The following GRIN2B variants were observed in gnomAD, a reference collection of about 807,000 sequenced individuals.
GRIN2B encodes glutamate ionotropic receptor NMDA type subunit 2B.
GRIN2B carries 5 observed loss-of-function variants against 114.5 expected under a neutral mutation model. That is an observed-to-expected ratio of 0.04 (90% CI 0.02 to 0.09). The LOEUF (loss-of-function observed/expected upper bound fraction) is 0.09, where lower values mean the gene tolerates loss of function less well. GRIN2B is among the 10% of genes least tolerant of loss of function. The pLI, the probability that GRIN2B is intolerant of heterozygous loss-of-function variation, is 1.00. For missense variants in GRIN2B, 1,108 were observed against 1,943.5 expected (o/e 0.57, Z 8.08); for synonymous variants, 787 against 745.1 (o/e 1.06, Z -0.92).
At chr12:13,636,942 C>A (rs1949670923) in intron 5 of GRIN2B, among the ~76,000 whole-genome samples, 1 of 152,076 alleles carries the variant, frequency 6.6e-6, no homozygotes, top group Admixed American at 6.5e-5. Flanking sequence ...AGGAAACTCT[C>A]AATAAATATT....
chr12:13,671,705 G>A (rs568311882), intron 5 of GRIN2B, among the ~76,000 whole-genome samples: 38 of 152,218 alleles, frequency 2.5e-4, no homozygotes, highest in African/African-American at 9.1e-4. Context: ...AGATTTTCAG[G>A]GTAGAAGTGA....
chr12:13,804,482 A>G (rs1278797666), intron 3 of GRIN2B, among the ~76,000 whole-genome samples: 1 of 152,106 alleles, frequency 6.6e-6, no homozygotes, highest in Non-Finnish European at 1.5e-5. Flanking sequence ...AACATAAGAT[A>G]TCTGAACCCC....
intron 5 of GRIN2B, among the ~76,000 whole-genome samples, chr12:13,630,021 T>C (rs1284440832): frequency 6.6e-6 from 1 of 152,228 alleles, no homozygotes; most frequent in Admixed American, 6.5e-5. Flanking sequence ...TAACTGCTTA[T>C]GTGTCTGGTC....
intron 3 of GRIN2B, among the ~76,000 whole-genome samples, chr12:13,793,382 C>A (rs11829616): frequency 0.037 from 5,584 of 151,364 alleles, 130 homozygotes; most frequent in African/African-American, 0.063. Flanking sequence ...GATTGTGCCA[C>A]TGCACTCCAA....
At chr12:13,592,711 C>A (rs1021459380) in intron 10 of GRIN2B, among the ~76,000 whole-genome samples, 1 of 152,152 alleles carries the variant, frequency 6.6e-6, no homozygotes, top group African/African-American at 2.4e-5. Context: ...AGCTCTGGTG[C>A]TTTCCTAACC....
chr12:13,654,203 C>T (rs1211256419), intron 5 of GRIN2B, among the ~76,000 whole-genome samples: 1 of 152,004 alleles, frequency 6.6e-6, no homozygotes, highest in Non-Finnish European at 1.5e-5. Context: ...GATGTTATTT[C>T]TGGAATTATT....
chr12:13,658,574 T>C (rs1323607633), intron 5 of GRIN2B, among the ~76,000 whole-genome samples: 1 of 152,104 alleles, frequency 6.6e-6, no homozygotes, highest in African/African-American at 2.4e-5. Context: ...ATAATTCAGC[T>C]GGAGAATAAA....
intron 2 of GRIN2B, among the ~76,000 whole-genome samples, chr12:13,960,406 G>A (rs757722999): frequency 5.9e-5 from 9 of 152,070 alleles, no homozygotes; most frequent in Admixed American, 3.3e-4. Flanking sequence ...CCACTAAAAC[G>A]TGGCAGCTTC....
intron 3 of GRIN2B, among the ~76,000 whole-genome samples, chr12:13,756,641 G>C (rs1054599050): frequency 6.6e-6 from 1 of 152,164 alleles, no homozygotes; most frequent in Non-Finnish European, 1.5e-5. Flanking sequence ...GTACAAGCTT[G>C]GGATGAAAGG....
chr12:13,641,141 A>G (rs137930366), intron 5 of GRIN2B, among the ~76,000 whole-genome samples: 10,054 of 151,928 alleles, frequency 0.066, 499 homozygotes, highest in African/African-American at 0.14. Context: ...GCACAATCTC[A>G]GCTCACTGCA....
intron 3 of GRIN2B, among the ~76,000 whole-genome samples, chr12:13,827,240 T>TC (rs1865058694): frequency 6.7e-6 from 1 of 149,898 alleles, no homozygotes; most frequent in Non-Finnish European, 1.5e-5. Context: ...TTTTTTTTTT[T>TC]TTTTTGAGTT....
intron 3 of GRIN2B, among the ~76,000 whole-genome samples, chr12:13,791,863 A>G (rs1046367351): frequency 2.6e-5 from 4 of 152,212 alleles, no homozygotes; most frequent in Non-Finnish European, 5.9e-5. Context: ...GTTAGTGTTA[A>G]CCGTAGTCAC....
intron 5 of GRIN2B, among the ~76,000 whole-genome samples, chr12:13,647,373 CAT>C (rs1231540282): frequency 2.0e-5 from 3 of 152,102 alleles, no homozygotes; most frequent in African/African-American, 7.2e-5. Flanking sequence ...CAACAGGACT[CAT>C]ACTTAAACTT....
At chr12:13,816,390 C>T (rs1286189882) in intron 3 of GRIN2B, among the ~76,000 whole-genome samples, 1 of 152,224 alleles carries the variant, frequency 6.6e-6, no homozygotes, top group Non-Finnish European at 1.5e-5. Context: ...AAGGTTCAGA[C>T]TTTCTAGCAG....
At chr12:13,621,626 T>G (rs985091267) in intron 5 of GRIN2B, among the ~76,000 whole-genome samples, 7 of 146,630 alleles carry the variant, frequency 4.8e-5, no homozygotes, top group Non-Finnish European at 6.0e-5. Context: ...TTTTTTTTTT[T>G]TTTTTTTTTT....
intron 10 of GRIN2B, among the ~76,000 whole-genome samples, chr12:13,602,305 G>A (rs1053794963): frequency 6.6e-6 from 1 of 152,178 alleles, no homozygotes; most frequent in Non-Finnish European, 1.5e-5. Context: ...CAGCTACCTA[G>A]AGGTCCAACC....
At chr12:13,909,774 G>T (rs1002877647) in intron 2 of GRIN2B, among the ~76,000 whole-genome samples, 2 of 152,174 alleles carry the variant, frequency 1.3e-5, no homozygotes, top group African/African-American at 4.8e-5. Context: ...AGAGAGAAAA[G>T]GGTGCTGTAA....
chr12:13,901,543 G>A (rs1450042614), intron 2 of GRIN2B, among the ~76,000 whole-genome samples: 1 of 151,986 alleles, frequency 6.6e-6, no homozygotes, highest in Non-Finnish European at 1.5e-5. Flanking sequence ...GAATAAAGAA[G>A]CATTTTTTAA....
At chr12:13,961,237 C>G (rs1246019261) in intron 2 of GRIN2B, among the ~76,000 whole-genome samples, 3 of 152,054 alleles carry the variant, frequency 2.0e-5, no homozygotes, top group Non-Finnish European at 4.4e-5. Context: ...ACAAGGAATT[C>G]TAAGCCCAGG....
Sources: gnomAD v4.1 joint callset for allele counts (sites outside exome capture counted in the v4.1 genomes callset) on GRCh38, gnomAD v4.1.1 for gene constraint, MANE v1.5 for transcripts, NCBI Gene and HGNC (gene_info 2026-07-23, HGNC 2026-07-21) for gene names.